The following RGMA variants were observed in gnomAD, a reference collection of about 807,000 sequenced individuals.
The protein encoded by RGMA is repulsive guidance molecule BMP co-receptor a.
Under a neutral mutation model 23.2 loss-of-function variants are expected in RGMA, and 10 were observed. The observed-to-expected ratio is 0.43, with a 90% CI of 0.27 to 0.73. RGMA has a LOEUF of 0.73. RGMA is among the 30% of genes least tolerant of loss of function. The pLI, the probability that RGMA is intolerant of heterozygous loss-of-function variation, is 0.20. For synonymous variants in RGMA, 308 were observed against 279.3 expected (o/e 1.10, Z -1.03); for missense variants, 547 against 630.5 (o/e 0.87, Z 1.42).
chr15:93,072,250 A>T (rs1210296073), intron 2 of RGMA, among the ~76,000 whole-genome samples: 5 of 152,236 alleles, frequency 3.3e-5, no homozygotes, highest in African/African-American at 1.2e-4. Flanking sequence ...TGCCAAAAAC[A>T]TTGTGAAAAA....
chr15:93,087,561 T>C (rs1895659241), intron 1 of RGMA, among the ~76,000 whole-genome samples: 1 of 151,356 alleles, frequency 6.6e-6, no homozygotes, highest in Non-Finnish European at 1.5e-5. Context: ...TCTCCTCCTG[T>C]TGCCCTTCGG....
intron 2 of RGMA, among the ~76,000 whole-genome samples, chr15:93,063,726 C>T (rs1396800266): frequency 6.6e-6 from 1 of 152,192 alleles, no homozygotes; most frequent in Non-Finnish European, 1.5e-5. Context: ...CCTGTGACTC[C>T]AATGTGGCTC....
rs915883553 is a variant in RGMA, at chr15:93,036,062, A to C, written c.*8936T>G. On this transcript the variant is annotated 3_prime_UTR_variant, in exon 4 of 4. Coordinates refer to ENST00000329082, the MANE Select transcript of RGMA (RefSeq NM_020211.3). ...CTGCACGTGTAACTCGTGTTGTTAC[A>C]TATGTAAGTATGATTACACGTGTAA... 1 of 152,204 alleles carries C rather than the reference A, an allele frequency of 6.6e-6. No individual in the cohort carries two copies. Among genetic ancestry groups the C allele is most frequent in the African/African-American group, 2.4e-5 (1 of 41,432 alleles). The allele number at this position is 152,204 out of a possible 1,614,324, so 9.4% of individuals were successfully genotyped here. A position where few individuals can be genotyped will look rare whatever the true frequency, so the allele number is the denominator to read the frequency against.
intron 2 of RGMA, among the ~76,000 whole-genome samples, chr15:93,067,857 G>A (rs972951829): frequency 5.9e-5 from 9 of 152,146 alleles, no homozygotes; most frequent in African/African-American, 2.2e-4. Context: ...TGGCACCATG[G>A]CGAGGATCGG....
chr15:93,056,097 A>G (rs2055008607), intron 2 of RGMA, among the ~76,000 whole-genome samples: 1 of 152,162 alleles, frequency 6.6e-6, no homozygotes, highest in South Asian at 2.1e-4. Flanking sequence ...GGGGTTCTGC[A>G]ATTCTACCAA....
intron 1 of RGMA, among the ~76,000 whole-genome samples, chr15:93,084,797 T>C (rs1229356422): frequency 6.6e-6 from 1 of 152,104 alleles, no homozygotes; most frequent in East Asian, 1.9e-4. Flanking sequence ...GAATAGACAA[T>C]CTGGAGAGGA....
At chr15:93,060,315 T>G (rs1438255282) in intron 2 of RGMA, among the ~76,000 whole-genome samples, 2 of 152,222 alleles carry the variant, frequency 1.3e-5, no homozygotes, top group Non-Finnish European at 2.9e-5. Context: ...GTGCACTGCA[T>G]GTCTTGTTTT....
chr15:93,075,450 T>C (rs4778096), intron 1 of RGMA, among the ~76,000 whole-genome samples: 152,207 of 152,358 alleles, frequency 1, 76,028 homozygotes, highest in Non-Finnish European at 1. Context: ...ACAGACACAT[T>C]GGGATATATG....
chr15:93,078,547 A>C (rs550385620), intron 1 of RGMA, among the ~76,000 whole-genome samples: 27 of 152,338 alleles, frequency 1.8e-4, no homozygotes, highest in Admixed American at 1.7e-3. Context: ...AGATTTGATG[A>C]ATCAGTACTT....
intron 2 of RGMA, among the ~76,000 whole-genome samples, chr15:93,069,281 TG>T (rs1313522868): frequency 6.6e-6 from 1 of 152,196 alleles, no homozygotes; most frequent in Non-Finnish European, 1.5e-5. Flanking sequence ...AGCTAATTTT[TG>T]TATTTTCAGT....
intron 2 of RGMA, among the ~76,000 whole-genome samples, chr15:93,061,485 C>A (rs937233078): frequency 3.3e-5 from 5 of 152,218 alleles, no homozygotes; most frequent in Non-Finnish European, 5.9e-5. Context: ...AAACCTCCCA[C>A]CCAGGACCCT....
At chr15:93,080,717 C>T (rs968645219) in intron 1 of RGMA, among the ~76,000 whole-genome samples, 19 of 152,140 alleles carry the variant, frequency 1.2e-4, no homozygotes, top group African/African-American at 4.3e-4. Context: ...TTTCCATGGC[C>T]ACCCTTCCGT....
Position 93,052,520 on chromosome 15 carries a change from G to C in RGMA, c.131-13C>G. 1 of 1,556,646 alleles carries C rather than the reference G, an allele frequency of 6.4e-7. No individual in the cohort carries two copies. Among genetic ancestry groups the C allele is most frequent in the East Asian group, 2.3e-5 (1 of 43,894 alleles). On this transcript the variant is annotated splice_polypyrimidine_tract_variant and intron_variant, in intron 2 of 3. Coordinates refer to ENST00000329082, the MANE Select transcript of RGMA (RefSeq NM_020211.3). ...CACGGGGAGGTGGCTGAGGAGAAAG[G>C]AACGAACACACCGTCGGGGTGCAGC... is the stretch of plus-strand genomic sequence containing the variant.
At chr15:93,065,136 C>A (rs1895100470) in intron 2 of RGMA, among the ~76,000 whole-genome samples, 1 of 152,126 alleles carries the variant, frequency 6.6e-6, no homozygotes, top group African/African-American at 2.4e-5. Context: ...TGCCACAATG[C>A]CCAGCTAATT....
intron 2 of RGMA, among the ~76,000 whole-genome samples, chr15:93,053,210 C>T (rs1368482500): frequency 6.6e-6 from 1 of 152,186 alleles, no homozygotes; most frequent in Non-Finnish European, 1.5e-5. Context: ...AACCTTGGAT[C>T]CCTCACAAGC....
In RGMA at chr15:93,038,135, A is replaced by T. The variant is rs1271507789; in HGVS notation, c.*6863T>A. The T allele has an allele frequency of 1.3e-5, 2 of 152,288 alleles. No individual in the cohort carries two copies. Among genetic ancestry groups the T allele is most frequent in the Non-Finnish European group, 2.9e-5 (2 of 68,070 alleles). The allele number at this position is 152,288 out of a possible 1,614,324, so 9.4% of individuals were successfully genotyped here. ...TGCAGGATGGGGAAGGTGGCTAAGG[A>T]AAGCTGTTGATAGCAGGGTTGGGGG... On this transcript the variant is annotated 3_prime_UTR_variant, in exon 4 of 4. Transcript: ENST00000329082.
intron 2 of RGMA, among the ~76,000 whole-genome samples, chr15:93,065,102 T>C (rs943093018): frequency 1.3e-5 from 2 of 152,076 alleles, no homozygotes; most frequent in Non-Finnish European, 2.9e-5. Flanking sequence ...CTCAGCCTCC[T>C]GAGTAGCTGG....
chr15:93,076,485 T>C (rs984762975), intron 1 of RGMA, among the ~76,000 whole-genome samples: 2 of 151,996 alleles, frequency 1.3e-5, no homozygotes, highest in African/African-American at 4.8e-5. Context: ...GGCTAGACCT[T>C]GGGGGATAAA....
chr15:93,073,257 ACCGCC>A (rs1267308256), intron 1 of RGMA: 2 of 992,838 alleles, frequency 2.0e-6, no homozygotes, highest in African/African-American at 3.4e-5. Flanking sequence ...CCGCCTGCGC[ACCGCC>A]CCCTCGCGCT....
Sources: allele counts gnomAD v4.1 joint callset (sites outside exome capture counted in the v4.1 genomes callset), GRCh38; gene constraint gnomAD v4.1.1; transcripts MANE v1.5; gene names NCBI Gene and HGNC (gene_info 2026-07-23, HGNC 2026-07-21).